The following CDK14 variants were observed in gnomAD, a reference collection of about 807,000 sequenced individuals.
The protein encoded by CDK14 is cyclin-dependent kinase 14.
CDK14 carries 34 observed loss-of-function variants against 60.7 expected under a neutral mutation model. The ratio of observed to expected loss-of-function variants is 0.56; its 90% confidence interval spans 0.43 to 0.75. CDK14 has a LOEUF of 0.75. Ranked by LOEUF, CDK14 falls within the 30% of genes least tolerant of loss-of-function variation. The probability of loss-of-function intolerance (pLI) is 0.00; values close to 1 mark genes in which losing one functional copy is unlikely to be tolerated. For missense variants in CDK14, 482 were observed against 564.1 expected, an observed-to-expected ratio of 0.85 and a Z score of 1.47; for synonymous variants, 197 against 203.7, an observed-to-expected ratio of 0.97 and a Z score of 0.28.
At chr7:90,923,559 T>C (rs538413437) in intron 8 of CDK14, among the ~76,000 whole-genome samples, 1 of 152,338 alleles carries the variant, frequency 6.6e-6, no homozygotes, top group South Asian at 2.1e-4. Flanking sequence ...GCAATGTAGA[T>C]AGGGTTTGAT....
At chr7:90,906,368 T>G (rs1792702505) in intron 7 of CDK14, among the ~76,000 whole-genome samples, 1 of 152,098 alleles carries the variant, frequency 6.6e-6, no homozygotes, top group South Asian at 2.1e-4. Flanking sequence ...TAAGCTATTG[T>G]CTTTAAAAAG....
intron 11 of CDK14, among the ~76,000 whole-genome samples, chr7:91,049,121 G>A (rs977780617): frequency 6.6e-6 from 1 of 151,916 alleles, no homozygotes; most frequent in Non-Finnish European, 1.5e-5. Context: ...GGCTCAAGCA[G>A]TCCTCCCACC....
In CDK14 at chr7:90,731,240, G is replaced by C. The variant is rs575481020; in HGVS notation, c.369+4428G>C. ...TCTGTTTTTGTACCAGTACCATGCT[G>C]TTTTTGTTACTGTAGCCTTGTAGTA... On this transcript the variant is annotated intron_variant, in intron 3 of 14. Coordinates refer to ENST00000380050, the MANE Select transcript of CDK14 (RefSeq NM_001287135.2). 9.8e-5 allele frequency among the ~76,000 whole-genome samples: 15 copies of C among 152,306 alleles called. No homozygotes were observed. The South Asian group carries it at 3.1e-3, about 32-fold the overall frequency.
At chr7:90,885,491 G>A (rs999400682) in intron 6 of CDK14, among the ~76,000 whole-genome samples, 107 of 152,246 alleles carry the variant, frequency 7.0e-4, no homozygotes, top group Non-Finnish European at 1.1e-3. Flanking sequence ...GTCAGCCTTT[G>A]TGGAAGACAG....
At chr7:91,002,946 C>T (rs897634781) in intron 10 of CDK14, among the ~76,000 whole-genome samples, 4 of 152,036 alleles carry the variant, frequency 2.6e-5, no homozygotes, top group Non-Finnish European at 2.9e-5. Context: ...GTGGCGGGTG[C>T]CTGTAGTCCC....
intron 5 of CDK14, among the ~76,000 whole-genome samples, chr7:90,804,473 C>A (rs761937552): frequency 1.3e-5 from 2 of 151,974 alleles, no homozygotes; most frequent in African/African-American, 4.8e-5. Flanking sequence ...TTGCTTAAAG[C>A]GTTTTTATAA....
chr7:91,120,293 AG>A (rs1275474625), intron 14 of CDK14, among the ~76,000 whole-genome samples: 1 of 152,150 alleles, frequency 6.6e-6, no homozygotes, highest in Non-Finnish European at 1.5e-5. Context: ...ACAGGACAGA[AG>A]GGTTGCTCAG....
chr7:90,931,514 C>T (rs1429774350), intron 8 of CDK14, among the ~76,000 whole-genome samples: 2 of 152,208 alleles, frequency 1.3e-5, no homozygotes, highest in Non-Finnish European at 2.9e-5. Flanking sequence ...CTTTCCTCTG[C>T]AAGCTGCTCT....
intron 10 of CDK14, among the ~76,000 whole-genome samples, chr7:91,027,977 C>G: frequency 8.0e-6 from 1 of 125,326 alleles, no homozygotes; most frequent in East Asian, 2.3e-4. Context: ...CCCCTTTCCC[C>G]TCTCCCCTGT....
At chr7:90,809,325 A>C (rs1409518549) in intron 5 of CDK14, among the ~76,000 whole-genome samples, 1 of 152,182 alleles carries the variant, frequency 6.6e-6, no homozygotes, top group East Asian at 1.9e-4. Flanking sequence ...ACTCACTCAA[A>C]ACCGCTCAAC....
At chr7:90,868,490 CAAAG>C (rs938639438) in intron 6 of CDK14, among the ~76,000 whole-genome samples, 7 of 151,772 alleles carry the variant, frequency 4.6e-5, no homozygotes, top group Admixed American at 1.3e-4. Context: ...AGCTGTGAAA[CAAAG>C]AAAAGCAACA....
chr7:90,909,908 A>G (rs931112591), intron 7 of CDK14, among the ~76,000 whole-genome samples: 2 of 152,208 alleles, frequency 1.3e-5, no homozygotes, highest in African/African-American at 4.8e-5. Context: ...GATTGTAACT[A>G]AAAAAGCAGA....
chr7:90,619,502 T>G (rs191133322), intron 2 of CDK14, among the ~76,000 whole-genome samples: 1 of 152,224 alleles, frequency 6.6e-6, no homozygotes, highest in Non-Finnish European at 1.5e-5. Context: ...AGGCCTCAGA[T>G]GAGTATTTTT....
intron 10 of CDK14, among the ~76,000 whole-genome samples, chr7:91,024,653 A>C (rs1796524345): frequency 6.6e-6 from 1 of 152,212 alleles, no homozygotes; most frequent in Non-Finnish European, 1.5e-5. Context: ...TCTGTCTCAA[A>C]AATAAATAAC....
intron 9 of CDK14, among the ~76,000 whole-genome samples, chr7:90,975,844 T>C (rs1313906351): frequency 6.6e-6 from 1 of 152,188 alleles, no homozygotes; most frequent in Non-Finnish European, 1.5e-5. Context: ...TCCATTTCCA[T>C]CTATGTTGTC....
chr7:90,876,879 T>G (rs1458107926), intron 6 of CDK14, among the ~76,000 whole-genome samples: 1 of 152,222 alleles, frequency 6.6e-6, no homozygotes, highest in Non-Finnish European at 1.5e-5. Context: ...TGTCAGAGTT[T>G]ATCAAATATG....
chr7:91,044,903 C>G (rs558143581), intron 10 of CDK14, among the ~76,000 whole-genome samples: 7 of 152,308 alleles, frequency 4.6e-5, no homozygotes, highest in African/African-American at 1.7e-4. Context: ...TCTGCGGGTT[C>G]TTTGAGTAAT....
At chr7:90,768,877 AC>A (rs1293926163) in intron 4 of CDK14, among the ~76,000 whole-genome samples, 1 of 152,250 alleles carries the variant, frequency 6.6e-6, no homozygotes, top group African/African-American at 2.4e-5. Context: ...TTATAAGCAG[AC>A]TAAGTTGCTT....
chr7:90,629,276 T>A (rs2116395968), intron 2 of CDK14, among the ~76,000 whole-genome samples: 1 of 152,296 alleles, frequency 6.6e-6, no homozygotes, highest in East Asian at 1.9e-4. Flanking sequence ...CACCCCACCA[T>A]CTAAATTAGC....
Sources: gnomAD v4.1 joint callset for allele counts (sites outside exome capture counted in the v4.1 genomes callset) on GRCh38, gnomAD v4.1.1 for gene constraint, MANE v1.5 for transcripts, NCBI Gene and HGNC (gene_info 2026-07-23, HGNC 2026-07-21) for gene names.